Variants in SLC35F3 observed in about 807,000 individuals in gnomAD.
SLC35F3 encodes solute carrier family 35 member F3.
A neutral mutation model predicts 49.9 loss-of-function variants in SLC35F3; 25 were observed. The observed-to-expected ratio is 0.50, with a 90% CI of 0.37 to 0.70. The LOEUF (loss-of-function observed/expected upper bound fraction) is 0.70. Ranked by LOEUF, SLC35F3 falls within the 30% of genes least tolerant of loss-of-function variation. The pLI, the probability that SLC35F3 is intolerant of heterozygous loss-of-function variation, is 0.00. For missense variants in SLC35F3, 525 were observed against 639.8 expected, an observed-to-expected ratio of 0.82 and a Z score of 1.94; for synonymous variants, 275 against 265.4, an observed-to-expected ratio of 1.04 and a Z score of -0.35.
chr1:234,177,412 T>C (rs1387850126), intron 2 of SLC35F3, among the ~76,000 whole-genome samples: 3 of 152,186 alleles, frequency 2.0e-5, no homozygotes, highest in Admixed American at 1.3e-4. Context: ...CCAAGCCACC[T>C]GGATGAGAGA....
intron 3 of SLC35F3, among the ~76,000 whole-genome samples, chr1:234,290,145 A>G (rs1351071908): frequency 6.6e-6 from 1 of 152,246 alleles, no homozygotes; most frequent in East Asian, 1.9e-4. Flanking sequence ...AGTAAAGCAC[A>G]GAGATATAAA....
chr1:234,239,686 A>AG (rs1325597786), intron 3 of SLC35F3, among the ~76,000 whole-genome samples: 1 of 152,246 alleles, frequency 6.6e-6, no homozygotes, highest in Non-Finnish European at 1.5e-5. Flanking sequence ...AGGAACCTGG[A>AG]GGCGGTGCCT....
chr1:234,130,836 G>A (rs2102898209), intron 2 of SLC35F3, among the ~76,000 whole-genome samples: 1 of 152,194 alleles, frequency 6.6e-6, no homozygotes, highest in Admixed American at 6.5e-5. Flanking sequence ...TAAACTAATG[G>A]AAATGCATGT....
At chr1:234,279,288 C>T (rs558388175) in intron 3 of SLC35F3, among the ~76,000 whole-genome samples, 2 of 152,230 alleles carry the variant, frequency 1.3e-5, no homozygotes, top group African/African-American at 4.8e-5. Flanking sequence ...CAAGGGGTGA[C>T]TGAATAGAAT....
chr1:234,249,581 G>C (rs1044997322), intron 3 of SLC35F3, among the ~76,000 whole-genome samples: 4 of 152,186 alleles, frequency 2.6e-5, no homozygotes, highest in Non-Finnish European at 5.9e-5. Flanking sequence ...TGGGGCAGGG[G>C]TCCTATGGGA....
intron 2 of SLC35F3, among the ~76,000 whole-genome samples, chr1:234,184,804 G>C (rs567838837): frequency 1.1e-4 from 16 of 152,264 alleles, no homozygotes; most frequent in South Asian, 1.0e-3. Flanking sequence ...ACGTGACATT[G>C]TCCTAGATAT....
At chr1:234,247,856 C>CTGGTGCATTGTTTGATGGGTCAGTTGGT (rs1667663836) in intron 3 of SLC35F3, among the ~76,000 whole-genome samples, 1 of 147,716 alleles carries the variant, frequency 6.8e-6, no homozygotes. Context: ...GGTCAGTTGG[C>CTGGTGCATTGTTTGATGGGTCAGTTGGT]TGGTGCATTG....
intron 2 of SLC35F3, among the ~76,000 whole-genome samples, chr1:234,192,219 C>A (rs1423516750): frequency 6.6e-6 from 1 of 152,116 alleles, no homozygotes; most frequent in Admixed American, 6.6e-5. Context: ...GCTAGTGAAC[C>A]AAATCCAACA....
Position 233,905,143 on chromosome 1 carries a change from C to T in SLC35F3, c.53+13C>T. Reference sequence around the variant, plus strand: ...AGAGCATTGCCGTGTGAGTAGCGCCCCGGGCGTGGGTGAGCGAGCCGGCGG... The same window carrying T: ...AGAGCATTGCCGTGTGAGTAGCGCCTCGGGCGTGGGTGAGCGAGCCGGCGG... On this transcript the variant is annotated intron_variant, in intron 1 of 7. Coordinates refer to ENST00000366618, the MANE Select transcript of SLC35F3 (RefSeq NM_173508.4). 6.4e-7 allele frequency: 1 copy of T among 1,552,738 alleles called. No homozygotes were observed.
chr1:233,912,703 C>T (rs181079644), intron 2 of SLC35F3, among the ~76,000 whole-genome samples: 1 of 152,282 alleles, frequency 6.6e-6, no homozygotes, highest in East Asian at 1.9e-4. Context: ...CGTGGATACG[C>T]TGGACAAAGG....
At chr1:234,312,611 G>A (rs950345799) in intron 4 of SLC35F3, among the ~76,000 whole-genome samples, 16 of 152,192 alleles carry the variant, frequency 1.1e-4, no homozygotes, top group Admixed American at 7.2e-4. Context: ...TTCTACTCTC[G>A]GACATAGAAG....
chr1:234,131,740 T>G (rs902560398), intron 2 of SLC35F3, among the ~76,000 whole-genome samples: 3 of 152,178 alleles, frequency 2.0e-5, no homozygotes, highest in Non-Finnish European at 4.4e-5. Context: ...CTGATTGGAG[T>G]GAGGAGTCTG....
intron 3 of SLC35F3, among the ~76,000 whole-genome samples, chr1:234,268,011 T>A (rs969653241): frequency 9.0e-5 from 13 of 143,824 alleles, no homozygotes; most frequent in Non-Finnish European, 6.1e-5. Context: ...TCCCAGACGA[T>A]GGGCGGCCAA....
intron 3 of SLC35F3, among the ~76,000 whole-genome samples, chr1:234,237,519 G>A (rs932933840): frequency 9.9e-5 from 15 of 152,170 alleles, no homozygotes; most frequent in Non-Finnish European, 2.2e-4. Flanking sequence ...CCTAATTAGC[G>A]ATGCCCAGCA....
At chr1:233,938,723 T>C (rs1038891801) in intron 2 of SLC35F3, among the ~76,000 whole-genome samples, 1 of 151,448 alleles carries the variant, frequency 6.6e-6, no homozygotes, top group Non-Finnish European at 1.5e-5. Context: ...GATGGATGGA[T>C]GAATGGAAGT....
intron 2 of SLC35F3, among the ~76,000 whole-genome samples, chr1:234,052,391 T>A (rs937353533): frequency 9.8e-5 from 15 of 152,332 alleles, no homozygotes; most frequent in African/African-American, 3.4e-4. Flanking sequence ...CAGGAATTTA[T>A]CCATTTCTTC....
In SLC35F3 at chr1:234,214,754, C is replaced by A. The variant is rs2102941850; in HGVS notation, c.284-16663C>A. ...GGGGATCTGGCAGCTTCAGGGGCTG[C>A]CCTGAGCTCCCTGGCGAGCAGGAGT... is the stretch of plus-strand genomic sequence containing the variant. On this transcript the variant is annotated intron_variant, in intron 2 of 7. Transcript: ENST00000366618. This position sits in a 1 kb window ranked among gnomAD's most constrained non-coding sequence, Gnocchi z 8.0. 1 of 777,392 alleles carries A rather than the reference C, an allele frequency of 1.3e-6. No individual in the cohort carries two copies. Among genetic ancestry groups the A allele is most frequent in the Non-Finnish European group, 1.9e-6 (1 of 536,916 alleles). 48.2% of individuals were successfully genotyped at this position (777,392 alleles called of 1,614,324 possible). A position where few individuals can be genotyped will look rare whatever the true frequency, so the allele number is the denominator to read the frequency against.
intron 3 of SLC35F3, among the ~76,000 whole-genome samples, chr1:234,285,914 G>A (rs1465544838): frequency 3.9e-5 from 6 of 152,210 alleles, no homozygotes; most frequent in Non-Finnish European, 8.8e-5. Context: ...CCCCAAAGAT[G>A]TGTGTCCCTT....
chr1:234,094,605 A>G (rs1665090625), intron 2 of SLC35F3, among the ~76,000 whole-genome samples: 1 of 152,214 alleles, frequency 6.6e-6, no homozygotes, highest in Non-Finnish European at 1.5e-5. Flanking sequence ...TCTAACCATT[A>G]GTGGAACTAG....
Sources: gnomAD v4.1 joint callset for allele counts (sites outside exome capture counted in the v4.1 genomes callset) on GRCh38, gnomAD v4.1.1 for gene constraint, Gnocchi (gnomAD v3.1) non-coding constraint, MANE v1.5 for transcripts, NCBI Gene and HGNC (gene_info 2026-07-23, HGNC 2026-07-21) for gene names.